Variants in DOCK2 observed in about 807,000 individuals in gnomAD.
DOCK2 encodes dedicator of cytokinesis protein 2.
DOCK2 carries 87 observed loss-of-function variants against 248.9 expected under a neutral mutation model. The ratio of observed to expected loss-of-function variants is 0.35; its 90% confidence interval spans 0.29 to 0.42. The LOEUF (loss-of-function observed/expected upper bound fraction) is 0.42. DOCK2 is among the 10% of genes least tolerant of loss of function. The pLI, the probability that DOCK2 is intolerant of heterozygous loss-of-function variation, is 1.00. For missense variants in DOCK2, 1,747 were observed against 2,300.2 expected, an observed-to-expected ratio of 0.76 and a Z score of 4.92; for synonymous variants, 805 against 821.6, an observed-to-expected ratio of 0.98 and a Z score of 0.35.
At chr5:169,881,140 A>G (rs968370640) in intron 27 of DOCK2, among the ~76,000 whole-genome samples, 9 of 152,194 alleles carry the variant, frequency 5.9e-5, no homozygotes, top group Admixed American at 3.3e-4. Context: ...TGATGCCTGC[A>G]CTTAGTGTTT....
intron 14 of DOCK2, 140 bp from the exon 15 acceptor site, chr5:169,708,029 T>G: frequency 1.4e-6 from 1 of 725,444 alleles, no homozygotes; most frequent in African/African-American, 1.8e-5. Flanking sequence ...GGAGCCATTA[T>G]GGGCACCTGG....
intron 30 of DOCK2, 118 bp from the exon 31 acceptor site, chr5:170,008,379 A>C: frequency 9.4e-7 from 1 of 1,065,188 alleles, no homozygotes; most frequent in Non-Finnish European, 1.4e-6. Context: ...AGTGGGCACA[A>C]TTAAACTGGT....
chr5:170,003,684 T>C (rs1169375743), intron 30 of DOCK2, among the ~76,000 whole-genome samples: 2 of 152,196 alleles, frequency 1.3e-5, no homozygotes, highest in Non-Finnish European at 2.9e-5. Flanking sequence ...AGGTGGGCAG[T>C]TGTTGAAGGA....
chr5:169,755,287 T>C (rs1764133925), intron 23 of DOCK2, among the ~76,000 whole-genome samples: 1 of 152,184 alleles, frequency 6.6e-6, no homozygotes, highest in South Asian at 2.1e-4. Context: ...TCGTATTATA[T>C]GAGTATGTGT....
intron 27 of DOCK2, among the ~76,000 whole-genome samples, chr5:169,898,513 G>GCA (rs374367406): frequency 5.5e-4 from 83 of 150,910 alleles, no homozygotes; most frequent in Non-Finnish European, 2.8e-4. Context: ...TCCTCTACAT[G>GCA]CACACACACA....
At chr5:169,945,454 T>C (rs1273072537) in intron 27 of DOCK2, among the ~76,000 whole-genome samples, 1 of 152,260 alleles carries the variant, frequency 6.6e-6, no homozygotes, top group Non-Finnish European at 1.5e-5. Context: ...GTGTTATTAA[T>C]TGAGCTGTTA....
intron 27 of DOCK2, chr5:169,934,856 T>A: frequency 2.6e-6 from 1 of 383,312 alleles, no homozygotes; most frequent in Admixed American, 3.0e-5. Context: ...TAAAGCATTA[T>A]ACATTGCCAA....
chr5:169,740,597 G>GC (rs1198084185), intron 22 of DOCK2, among the ~76,000 whole-genome samples: 1 of 152,220 alleles, frequency 6.6e-6, no homozygotes, highest in East Asian at 1.9e-4. Context: ...GAGCTGATCT[G>GC]CACCCCGCCT....
chr5:169,855,712 A>G (rs915966928), intron 27 of DOCK2, among the ~76,000 whole-genome samples: 2 of 152,216 alleles, frequency 1.3e-5, no homozygotes, highest in Admixed American at 6.5e-5. Flanking sequence ...ATTAAACTAA[A>G]CAACACTTCC....
intron 22 of DOCK2, among the ~76,000 whole-genome samples, chr5:169,744,713 A>G (rs1763509514): frequency 6.6e-6 from 1 of 152,160 alleles, no homozygotes; most frequent in African/African-American, 2.4e-5. Context: ...GAGTGCTGCC[A>G]TTAAGATCAC....
intron 26 of DOCK2, among the ~76,000 whole-genome samples, chr5:169,832,299 C>A (rs1769274977): frequency 1.5e-4 from 23 of 152,202 alleles, no homozygotes; most frequent in Admixed American, 1.5e-3. Flanking sequence ...ATCCTTCTGC[C>A]ACCAACTCCA....
chr5:169,745,967 G>A (rs926286643), intron 22 of DOCK2, among the ~76,000 whole-genome samples: 28 of 152,262 alleles, frequency 1.8e-4, no homozygotes, highest in South Asian at 6.2e-4. Flanking sequence ...CCCTAGGCAC[G>A]TAGCCACTTC....
chr5:170,032,116 T>A (rs1481886073), intron 34 of DOCK2, among the ~76,000 whole-genome samples: 1 of 149,790 alleles, frequency 6.7e-6, no homozygotes, highest in African/African-American at 2.4e-5. Context: ...AAGCTCCACC[T>A]CCCGGGTTCA....
At chr5:170,062,229 A>AAG (rs1757359016) in intron 44 of DOCK2, among the ~76,000 whole-genome samples, 1 of 152,058 alleles carries the variant, frequency 6.6e-6, no homozygotes, top group Non-Finnish European at 1.5e-5. Flanking sequence ...GACTCAGGGT[A>AAG]AGGGAGTAAG....
At chr5:170,038,501 C>A (rs1393412290) in intron 36 of DOCK2, among the ~76,000 whole-genome samples, 1 of 152,192 alleles carries the variant, frequency 6.6e-6, no homozygotes, top group Non-Finnish European at 1.5e-5. Context: ...ATCAAAATTT[C>A]CCTTTTCTCC....
intron 25 of DOCK2, among the ~76,000 whole-genome samples, chr5:169,781,581 T>G (rs1389122410): frequency 6.6e-6 from 1 of 152,094 alleles, no homozygotes; most frequent in African/African-American, 2.4e-5. Flanking sequence ...TATCCTGGGG[T>G]TTTGTGGGCA....
At chr5:169,906,769 C>T (rs570998969) in intron 27 of DOCK2, among the ~76,000 whole-genome samples, 1 of 152,188 alleles carries the variant, frequency 6.6e-6, no homozygotes, top group Non-Finnish European at 1.5e-5. Context: ...CCTTGCTTTA[C>T]TGTCAGAAAG....
intron 26 of DOCK2, among the ~76,000 whole-genome samples, chr5:169,830,842 C>T (rs536926197): frequency 2.6e-5 from 4 of 152,278 alleles, no homozygotes; most frequent in Admixed American, 1.3e-4. Flanking sequence ...TTGCGAGCCC[C>T]AAGGTTACAT....
intron 27 of DOCK2, among the ~76,000 whole-genome samples, chr5:169,963,302 C>T (rs1426230472): frequency 1.3e-5 from 2 of 152,096 alleles, no homozygotes; most frequent in Non-Finnish European, 2.9e-5. Flanking sequence ...AAATTAAATC[C>T]AACCCACAGC....
Sources: allele counts gnomAD v4.1 joint callset (sites outside exome capture counted in the v4.1 genomes callset), GRCh38; gene constraint gnomAD v4.1.1; transcripts MANE v1.5; gene names NCBI Gene and HGNC (gene_info 2026-07-23, HGNC 2026-07-21).